Variants in ARFGEF2 observed in about 807,000 individuals in gnomAD.
ARFGEF2 encodes brefeldin A-inhibited guanine nucleotide-exchange protein 2.
In ARFGEF2, 74 loss-of-function variants were observed where a neutral mutation model predicts 219.9. The observed-to-expected ratio is 0.34, with a 90% CI of 0.28 to 0.41. ARFGEF2 has a LOEUF of 0.41. Ranked by LOEUF, ARFGEF2 falls within the 10% of genes least tolerant of loss-of-function variation. ARFGEF2 has a pLI of 1.00. For missense variants in ARFGEF2, 1,743 were observed against 2,218.3 expected (o/e 0.79, Z 4.30); for synonymous variants, 733 against 799.2 (o/e 0.92, Z 1.40).
Position 49,023,071 on chromosome 20 carries a change from C to G in ARFGEF2, c.4645C>G (p.Leu1549Val), listed in dbSNP as rs1196896506. The stretch of plus-strand genomic sequence containing the variant: ...CATAGATCAGAAACTGTTTGCCAGC[C>G]TCCTCATCAAGTGTGTGGTCCAGTT... ...PYANQKLFAS[L>V]LIKCVVQLEL... The change falls in exon 35 of 39, where the codon CTC becomes GTC. Residue 1549 changes from leucine to valine, a missense_variant. Around this residue, in one of 5 missense-constraint regions of ARFGEF2, gnomAD observed 578 missense variants for 664.0 expected, o/e 0.87. Transcript: ENST00000371917. The G allele has an allele frequency of 6.2e-7, 1 of 1,614,178 alleles. No individual in the cohort carries two copies. The highest frequency in any genetic ancestry group is 2.2e-5 in the East Asian group (1 of 44,884).
At chr20:48,960,037 A>G (rs554611028) in intron 6 of ARFGEF2, among the ~76,000 whole-genome samples, 27 of 152,372 alleles carry the variant, frequency 1.8e-4, no homozygotes, top group Admixed American at 7.2e-4. Context: ...GCAGTCATGC[A>G]TTGCTTAACA....
At chr20:48,947,562 T>TTA (rs1283249711) in intron 3 of ARFGEF2, among the ~76,000 whole-genome samples, 4 of 151,934 alleles carry the variant, frequency 2.6e-5, no homozygotes, top group Admixed American at 2.0e-4. Flanking sequence ...ATGTTCCTGT[T>TTA]ATTAAAGTAT....
intron 37 of ARFGEF2, 112 bp downstream of exon 37, chr20:49,028,780 A>AT (rs908604772): frequency 5.7e-4 from 709 of 1,236,632 alleles, no homozygotes; most frequent in Non-Finnish European, 6.7e-4. Context: ...ACTCTGACAA[A>AT]TTTTTTTTTC....
intron 34 of ARFGEF2, 28 bp downstream of exon 34, chr20:49,019,026 A>G (rs150564755): frequency 1.9e-6 from 3 of 1,546,880 alleles, no homozygotes; most frequent in African/African-American, 2.7e-5. Flanking sequence ...TTTGTTTTAA[A>G]TAAGTAACAT....
intron 25 of ARFGEF2, among the ~76,000 whole-genome samples, chr20:49,003,570 A>C (rs967596735): frequency 1.3e-5 from 2 of 151,934 alleles, no homozygotes; most frequent in African/African-American, 4.8e-5. Context: ...ACACCATTGC[A>C]CTCCAGCCTG....
chr20:48,931,143 A>G (rs1314609486), intron 1 of ARFGEF2, among the ~76,000 whole-genome samples: 2 of 152,148 alleles, frequency 1.3e-5, no homozygotes, highest in African/African-American at 4.8e-5. Context: ...GAGGTGAGGA[A>G]ACAGACGGTG....
At chr20:49,020,237 G>A (rs1344993615) in intron 34 of ARFGEF2, among the ~76,000 whole-genome samples, 1 of 152,204 alleles carries the variant, frequency 6.6e-6, no homozygotes, top group Non-Finnish European at 1.5e-5. Flanking sequence ...TCCTCAACAT[G>A]CTAGGCCATA....
chr20:48,963,450 G>A (rs1039880603), intron 6 of ARFGEF2, among the ~76,000 whole-genome samples: 1 of 152,178 alleles, frequency 6.6e-6, no homozygotes. Flanking sequence ...GTTGGTCCCC[G>A]AGGCTAAGGC....
chr20:48,943,943 GT>G (rs1006256925), intron 3 of ARFGEF2, among the ~76,000 whole-genome samples: 1 of 152,168 alleles, frequency 6.6e-6, no homozygotes, highest in Admixed American at 6.5e-5. Context: ...TGATTGATTG[GT>G]TTTATCTACC....
rs780025969 is a variant in ARFGEF2 at position 49,016,448 on chromosome 20, T to C, written c.4315+33T>C. ...TTAAGCCTCTAGGCATCATTTTTCT[T>C]ACATAGTCTTTAATGAGAGGTTAGT... On this transcript the variant is annotated intron_variant, in intron 31 of 38. Coordinates refer to ENST00000371917, the MANE Select transcript of ARFGEF2 (RefSeq NM_006420.3). The C allele has an allele frequency of 7.5e-6, 12 of 1,605,918 alleles. No homozygotes were observed. In the Admixed American group the frequency reaches 1.2e-4, roughly 16 times the overall value.
Position 48,961,956 on chromosome 20 carries a change from ATCAC to A in ARFGEF2, c.839-1873_839-1870del, listed in dbSNP as rs879753944. On this transcript the variant is annotated intron_variant, in intron 6 of 38. Transcript: ENST00000371917. ...CACTTTGGGAGGCCGAGGTGGGTGG[ATCAC>A]CTGAGGCTGGGAGTTCAAGACTAGC... 6.9e-3 allele frequency among the ~76,000 whole-genome samples: 1,045 copies of A among 152,102 alleles called. 11 individuals are homozygous for A. Among genetic ancestry groups the A allele is most frequent in the African/African-American group, 0.023 (957 of 41,502 alleles).
intron 2 of ARFGEF2, among the ~76,000 whole-genome samples, 176 bp downstream of exon 2, chr20:48,941,405 A>G (rs2090992478): frequency 6.6e-6 from 1 of 152,206 alleles, no homozygotes; most frequent in Non-Finnish European, 1.5e-5. Flanking sequence ...AACTGATGCT[A>G]GGTTCACAGG....
At chr20:48,974,118 A>T (rs1416508300) in intron 12 of ARFGEF2, among the ~76,000 whole-genome samples, 1 of 70,066 alleles carries the variant, frequency 1.4e-5, no homozygotes, top group African/African-American at 5.8e-5. Flanking sequence ...TTGAGTGTGA[A>T]TTTTTTTTTT....
chr20:49,024,525 A>G (rs1568744282), intron 35 of ARFGEF2, among the ~76,000 whole-genome samples: 1 of 152,208 alleles, frequency 6.6e-6, no homozygotes, highest in Non-Finnish European at 1.5e-5. Flanking sequence ...GTGTTTCAAG[A>G]GTAGCCAAAA....
chr20:48,988,681 T>G lies in ARFGEF2; in HGVS notation c.2533+19T>G. ...AAGCAGAGTAAGGTCTAATGGCAAA[T>G]TATTTCTTTTAGTTCTAATTTTTTA... On this transcript the variant is annotated intron_variant, in intron 18 of 38. Coordinates refer to ENST00000371917, the MANE Select transcript of ARFGEF2 (RefSeq NM_006420.3). The G allele has an allele frequency of 6.2e-7, 1 of 1,608,340 alleles. No individual in the cohort carries two copies. The highest frequency in any genetic ancestry group is 8.5e-7 in the Non-Finnish European group (1 of 1,176,918).
intron 32 of ARFGEF2, 40 bp downstream of exon 32, chr20:49,017,427 C>G: frequency 1.2e-6 from 2 of 1,613,758 alleles, no homozygotes; most frequent in South Asian, 2.2e-5. Flanking sequence ...TCTCTGTGTT[C>G]AGTGGATGTC....
In ARFGEF2 at chr20:49,036,359, G is replaced by A. The variant is rs2091665973; in HGVS notation, c.*3160G>A. 2.5e-6 allele frequency: 1 copy of A among 397,358 alleles called. No individual in the cohort carries two copies. The highest frequency in any genetic ancestry group is 3.6e-5 in the East Asian group (1 of 27,950). 24.6% of individuals were successfully genotyped at this position (397,358 alleles called of 1,614,324 possible). A position where few individuals can be genotyped will look rare whatever the true frequency, so the allele number is the denominator to read the frequency against. ...CAAAACAATATAATCTATCAAAGGT[G>A]TTTTACTCAGTGTTCTAATTTTTAA... is the stretch of plus-strand genomic sequence containing the variant. On this transcript the variant is annotated 3_prime_UTR_variant, in exon 39 of 39. Coordinates refer to ENST00000371917, the MANE Select transcript of ARFGEF2 (RefSeq NM_006420.3).
intron 35 of ARFGEF2, among the ~76,000 whole-genome samples, chr20:49,023,639 C>T (rs1013009802): frequency 4.6e-5 from 7 of 150,806 alleles, no homozygotes; most frequent in Non-Finnish European, 1.0e-4. Flanking sequence ...CCTGGGTTCA[C>T]GCCATTCTCC....
chr20:48,988,204 G>C, intron 16 of ARFGEF2, 100 bp from the exon 17 acceptor site: 1 of 822,876 alleles, frequency 1.2e-6, no homozygotes, highest in Non-Finnish European at 2.1e-6. Context: ...GAATCAAGGG[G>C]AGTAGTCGGC....
Sources: gnomAD v4.1 joint callset for allele counts (sites outside exome capture counted in the v4.1 genomes callset) on GRCh38, gnomAD v4.1.1 for gene constraint, gnomAD v4.1.1 regional missense constraint, MANE v1.5 for transcripts, NCBI Gene and HGNC (gene_info 2026-07-23, HGNC 2026-07-21) for gene names.